The following AIG1 variants were observed in gnomAD, a reference collection of about 807,000 sequenced individuals.
The protein encoded by AIG1 is androgen-induced gene 1 protein.
A neutral mutation model predicts 31.4 loss-of-function variants in AIG1; 23 were observed. That is an observed-to-expected ratio of 0.73 (90% confidence interval 0.53 to 1.04). AIG1 has a LOEUF of 1.04. AIG1 is among the 50% of genes least tolerant of loss of function. AIG1 has a pLI of 0.00. For synonymous variants in AIG1, 100 were observed against 110.5 expected, an observed-to-expected ratio of 0.90 and a Z score of 0.60; for missense variants, 274 against 295.0, an observed-to-expected ratio of 0.93 and a Z score of 0.52.
chr6:143,254,582 A>G (rs1212782969), intron 3 of AIG1, among the ~76,000 whole-genome samples: 1 of 152,024 alleles, frequency 6.6e-6, no homozygotes, highest in East Asian at 1.9e-4. Context: ...TGGACTATTG[A>G]GTTGATTCTG....
chr6:143,289,498 C>T (rs1374456090), intron 4 of AIG1, among the ~76,000 whole-genome samples: 1 of 152,086 alleles, frequency 6.6e-6, no homozygotes, highest in Non-Finnish European at 1.5e-5. Context: ...CCCCTTGGCC[C>T]AGAGGGGGTC....
intron 2 of AIG1, among the ~76,000 whole-genome samples, chr6:143,147,184 G>A (rs1386189640): frequency 6.6e-6 from 1 of 152,216 alleles, no homozygotes; most frequent in Non-Finnish European, 1.5e-5. Context: ...TGTTGGTGAA[G>A]CTGTTGCCAC....
rs1030603638 is a variant in AIG1 at position 143,288,147 on chromosome 6, A to G, written c.515+3922A>G. ...CTTTTCCCGGGCTGGCTCCACCCTC[A>G]CTTCCAAGCACCTGGAATCCTTGTC... is the stretch of plus-strand genomic sequence containing the variant. On this transcript the variant is annotated intron_variant, in intron 4 of 5. Transcript: ENST00000357847. This position sits in a 1 kb window ranked among gnomAD's most constrained non-coding sequence, Gnocchi z 4.4. Among the ~76,000 whole-genome samples the G allele has an allele frequency of 3.9e-5, 6 of 152,050 alleles. No homozygotes were observed. The highest frequency in any genetic ancestry group is 7.4e-5 in the Non-Finnish European group (5 of 68,010).
intron 1 of AIG1, among the ~76,000 whole-genome samples, chr6:143,073,047 C>A (rs9496511): frequency 6.6e-6 from 1 of 152,174 alleles, no homozygotes; most frequent in Non-Finnish European, 1.5e-5. Flanking sequence ...TTCCCACTCC[C>A]GTGCCTGGTA....
intron 3 of AIG1, among the ~76,000 whole-genome samples, chr6:143,265,962 T>C (rs1796123421): frequency 6.6e-6 from 1 of 152,224 alleles, no homozygotes; most frequent in Non-Finnish European, 1.5e-5. Flanking sequence ...GGCATTCAAA[T>C]GTCATTCAGT....
intron 1 of AIG1, among the ~76,000 whole-genome samples, chr6:143,091,638 A>C (rs1374399053): frequency 6.6e-6 from 1 of 152,248 alleles, no homozygotes; most frequent in Non-Finnish European, 1.5e-5. Context: ...TCATAGATGC[A>C]CATCAATGAA....
rs377617449 is a variant in AIG1, at chr6:143,140,371, G to A, written c.297+3381G>A. Among the ~76,000 whole-genome samples, 30 of 151,948 alleles carry A rather than the reference G, an allele frequency of 2.0e-4. 1 individual carries two copies. Among genetic ancestry groups the A allele is most frequent in the East Asian group, 1.7e-3 (9 of 5,182 alleles). ...AAAACATTTAATTTTGTGATTTTTC[G>A]TCTTTCTGTCTCTAATGTTATTTCC... On this transcript the variant is annotated intron_variant, in intron 2 of 5. Transcript: ENST00000357847.
intron 3 of AIG1, among the ~76,000 whole-genome samples, chr6:143,261,321 G>A (rs1395145344): frequency 1.3e-5 from 2 of 152,134 alleles, no homozygotes; most frequent in African/African-American, 2.4e-5. Flanking sequence ...TAATAGAGAC[G>A]AGGTTTCTCC....
At chr6:143,088,267 T>TC (rs11438315) in intron 1 of AIG1, among the ~76,000 whole-genome samples, 4 of 108,796 alleles carry the variant, frequency 3.7e-5, no homozygotes, top group African/African-American at 3.5e-4. Flanking sequence ...ACTGCACATC[T>TC]TTTTTTTTTT....
chr6:143,158,892 C>A (rs1027923429), intron 2 of AIG1, among the ~76,000 whole-genome samples: 2 of 152,244 alleles, frequency 1.3e-5, no homozygotes, highest in Non-Finnish European at 2.9e-5. Context: ...ATTTTTATCA[C>A]ATCCATGCTA....
At chr6:143,227,361 GCTGCCCCGTGCCC>G (rs1031210045) in intron 3 of AIG1, among the ~76,000 whole-genome samples, 3 of 152,234 alleles carry the variant, frequency 2.0e-5, no homozygotes, top group South Asian at 4.1e-4. Context: ...AGCCATTACA[GCTGCCCCGTGCCC>G]CTGCCCCGTG....
chr6:143,214,416 G>T (rs942429412), intron 3 of AIG1, among the ~76,000 whole-genome samples: 1 of 152,164 alleles, frequency 6.6e-6, no homozygotes. Context: ...TGGCTATGAG[G>T]ATTAAATGAA....
intron 1 of AIG1, among the ~76,000 whole-genome samples, chr6:143,068,868 T>A (rs1776978801): frequency 6.6e-6 from 1 of 152,202 alleles, no homozygotes. Context: ...TATTTTAAAA[T>A]TACGGATATC....
chr6:143,237,998 T>A (rs1483155385), intron 3 of AIG1, among the ~76,000 whole-genome samples: 1 of 152,194 alleles, frequency 6.6e-6, no homozygotes, highest in African/African-American at 2.4e-5. Flanking sequence ...TGGAGTGCAG[T>A]GGCACGATCT....
intron 3 of AIG1, chr6:143,190,728 A>G (rs952513679): frequency 1.6e-5 from 8 of 487,600 alleles, no homozygotes; most frequent in Non-Finnish European, 2.1e-5. Flanking sequence ...CTATCTTATC[A>G]TTGCAAACTC....
At chr6:143,084,250 TC>T (rs1778556371) in intron 1 of AIG1, among the ~76,000 whole-genome samples, 1 of 152,200 alleles carries the variant, frequency 6.6e-6, no homozygotes, top group Non-Finnish European at 1.5e-5. Context: ...GGCTTCTGAC[TC>T]AGAGGACCTT....
In AIG1 at chr6:143,292,675, CA is replaced by C. The variant is rs1798135222; in HGVS notation, c.515+8452del. Among the ~76,000 whole-genome samples, 1 of 152,022 alleles carries C rather than the reference CA, an allele frequency of 6.6e-6. No homozygotes were observed. Among genetic ancestry groups the C allele is most frequent in the South Asian group, 2.1e-4 (1 of 4,828 alleles). On this transcript the variant is annotated intron_variant, in intron 4 of 5. Transcript: ENST00000357847. This position sits in a 1 kb window ranked among gnomAD's most constrained non-coding sequence, Gnocchi z 4.9. ...AGTCTGTGGCAATGTGTCATAGTAG[CA>C]AGAAAAAAACGAATACTTGAACAAA...
chr6:143,281,712 A>G (rs1018094574), intron 3 of AIG1, among the ~76,000 whole-genome samples: 4 of 152,232 alleles, frequency 2.6e-5, no homozygotes, highest in African/African-American at 4.8e-5. Flanking sequence ...CGTACTATGT[A>G]TAAATAAACA....
At chr6:143,121,347 A>G (rs1782228600) in intron 1 of AIG1, among the ~76,000 whole-genome samples, 1 of 152,230 alleles carries the variant, frequency 6.6e-6, no homozygotes, top group Non-Finnish European at 1.5e-5. Context: ...TTGAATCATC[A>G]TCTCTCAGGT....
Sources: allele counts gnomAD v4.1 joint callset (sites outside exome capture counted in the v4.1 genomes callset), GRCh38; gene constraint gnomAD v4.1.1; non-coding constraint Gnocchi (gnomAD v3.1); transcripts MANE v1.5; gene names NCBI Gene and HGNC (gene_info 2026-07-23, HGNC 2026-07-21).